The following HEPH variants were observed in gnomAD, a reference collection of about 807,000 sequenced individuals.
HEPH encodes hephaestin.
Under a neutral mutation model 80.8 loss-of-function variants are expected in HEPH, and 69 were observed. The observed-to-expected ratio is 0.85, with a 90% CI of 0.70 to 1.04. HEPH has a LOEUF of 1.04. Among genes scored for constraint, HEPH ranks in the 50% least tolerant of loss-of-function variants. The pLI, the probability that HEPH is intolerant of heterozygous loss-of-function variation, is 0.00. For synonymous variants in HEPH, 431 were observed against 322.8 expected, an observed-to-expected ratio of 1.34 and a Z score of -3.60; for missense variants, 1,115 against 891.3, an observed-to-expected ratio of 1.25 and a Z score of -3.20.
intron 18 of HEPH, among the ~76,000 whole-genome samples, chrX:66,259,428 G>T (rs1239779086): frequency 9.0e-6 from 1 of 111,704 alleles, no homozygotes; most frequent in Non-Finnish European, 1.9e-5. Context: ...AGAGTTGGGG[G>T]CATTGATACA....
In HEPH at chrX:66,188,652, C is replaced by T. The variant is rs147837491; in HGVS notation, c.808+111C>T. ...CATACATAGTCCTTTTTAGTCATCA[C>T]GAGGGCAAGGAGTAGTAGATGGCTC... is the stretch of plus-strand genomic sequence containing the variant. On this transcript the variant is annotated intron_variant, in intron 5 of 20. Coordinates refer to ENST00000343002, the MANE Select transcript of HEPH (RefSeq NM_001367233.3). 3.1e-4 allele frequency: 189 copies of T among 615,151 alleles called. 3 individuals carry two copies. The African/African-American group carries it at 3.5e-3, about 11-fold the overall frequency. The allele number at this position is 615,151 out of a possible 1,213,427, so 50.7% of individuals were successfully genotyped here.
chrX:66,268,279 T>A (rs1030279872), downstream of HEPH: 4 of 112,260 alleles, frequency 3.6e-5, no homozygotes, highest in African/African-American at 1.3e-4. Flanking sequence ...TAGGTAGCAA[T>A]CTCTTGAAGA....
chrX:66,208,783 A>G (rs2088955638), intron 15 of HEPH, among the ~76,000 whole-genome samples: 1 of 104,577 alleles, frequency 9.6e-6, no homozygotes, highest in Non-Finnish European at 2.0e-5. Context: ...TATGGCTTAG[A>G]CTTGGCTAAT....
chrX:66,213,980 G>T (rs1602369588), intron 15 of HEPH, among the ~76,000 whole-genome samples: 1 of 112,148 alleles, frequency 8.9e-6, no homozygotes, highest in East Asian at 2.8e-4. Flanking sequence ...TCTTACCAGT[G>T]GGCAGGATTA....
chrX:66,175,167 T>C (rs1409555767), intron 4 of HEPH, among the ~76,000 whole-genome samples: 1 of 112,345 alleles, frequency 8.9e-6, no homozygotes, highest in East Asian at 2.8e-4. Context: ...AGTCCTTAAT[T>C]CATCTTCATT....
intron 15 of HEPH, among the ~76,000 whole-genome samples, chrX:66,238,588 C>A (rs1309247534): frequency 9.0e-6 from 1 of 111,531 alleles, no homozygotes; most frequent in Non-Finnish European, 1.9e-5. Context: ...CATTGCCTGG[C>A]TTGTAGGGTT....
At position 66,267,261 on chromosome X, in the gene HEPH, G is replaced by A. The variant is rs772302186; in HGVS notation, c.*589G>A. On this transcript the variant is annotated 3_prime_UTR_variant, in exon 21 of 21. Coordinates refer to ENST00000343002, the MANE Select transcript of HEPH (RefSeq NM_001367233.3). ...GCCATGAGCATGTACAACCTCTGGA[G>A]CTAGAAGCTCCTCAGGAAAGCCAGT... 1 of 112,748 alleles carries A rather than the reference G, an allele frequency of 8.9e-6. No individual in the cohort carries two copies. Among genetic ancestry groups the A allele is most frequent in the Non-Finnish European group, 1.9e-5 (1 of 53,588 alleles). 9.3% of individuals were successfully genotyped at this position (112,748 alleles called of 1,213,427 possible).
intron 15 of HEPH, among the ~76,000 whole-genome samples, chrX:66,252,984 C>T (rs2148169749): frequency 8.9e-6 from 1 of 112,327 alleles, no homozygotes; most frequent in Admixed American, 9.4e-5. Flanking sequence ...AATATAAAAG[C>T]TAAAGCTATA....
chrX:66,220,015 A>G (rs373624690), intron 15 of HEPH, among the ~76,000 whole-genome samples: 3 of 111,743 alleles, frequency 2.7e-5, no homozygotes, highest in East Asian at 5.6e-4. Flanking sequence ...GAGTCTTCCC[A>G]CAGGAAAGGT....
At chrX:66,241,537 T>C (rs2090582666) in intron 15 of HEPH, among the ~76,000 whole-genome samples, 1 of 111,162 alleles carries the variant, frequency 9.0e-6, no homozygotes, top group South Asian at 3.8e-4. Flanking sequence ...TGATAAAGGG[T>C]TTAATTCAAC....
intron 15 of HEPH, among the ~76,000 whole-genome samples, chrX:66,211,728 A>C (rs2089135209): frequency 9.0e-6 from 1 of 111,512 alleles, no homozygotes; most frequent in African/African-American, 3.3e-5. Context: ...CATTTTCTTT[A>C]TCCATTCATC....
intron 4 of HEPH, among the ~76,000 whole-genome samples, chrX:66,186,188 C>T (rs2087418760): frequency 1.0e-5 from 1 of 97,169 alleles, no homozygotes; most frequent in East Asian, 3.2e-4. Flanking sequence ...GAGGTGGAGC[C>T]TACAGAGGCA....
chrX:66,260,353 CCTT>C lies in HEPH; in HGVS notation c.3199+94_3199+96del, dbSNP rs1292645494. On this transcript the variant is annotated intron_variant, in intron 19 of 20. Coordinates refer to ENST00000343002, the MANE Select transcript of HEPH (RefSeq NM_001367233.3). ...ATACCAAAAAGCCTCTTGATTGTCT[CCTT>C]CTGATCCCACAATAAGCAGGTCTTA... 4.3e-6 allele frequency: 3 copies of C among 699,199 alleles called. No homozygotes were observed. The African/African-American group carries it at 6.4e-5, about 15-fold the overall frequency. The allele number at this position is 699,199 out of a possible 1,213,427, so 57.6% of individuals were successfully genotyped here.
chrX:66,260,013 G>A (rs1602567552), intron 18 of HEPH, 87 bp from the exon 19 acceptor site: 1 of 792,041 alleles, frequency 1.3e-6, no homozygotes, highest in East Asian at 3.2e-5. Context: ...CCCTAATGTG[G>A]ACATCACAAT....
chrX:66,177,315 A>T (rs976857662), intron 4 of HEPH, among the ~76,000 whole-genome samples: 2 of 111,730 alleles, frequency 1.8e-5, no homozygotes, highest in African/African-American at 6.5e-5. Flanking sequence ...TTCTTCTTTG[A>T]ATGTCTGGTA....
intron 11 of HEPH, among the ~76,000 whole-genome samples, chrX:66,199,372 A>T (rs1005702989): frequency 1.0e-5 from 1 of 95,995 alleles, no homozygotes; most frequent in Non-Finnish European, 2.1e-5. Flanking sequence ...CCCCCCCCCC[A>T]TACTCCAGCC....
chrX:66,234,744 C>G (rs778412016), intron 15 of HEPH, among the ~76,000 whole-genome samples: 1 of 110,862 alleles, frequency 9.0e-6, no homozygotes, highest in Admixed American at 9.6e-5. Flanking sequence ...TCAAGCAATT[C>G]TCATGCCTCA....
chrX:66,236,090 TC>T (rs1202352628), intron 15 of HEPH, among the ~76,000 whole-genome samples: 1 of 111,640 alleles, frequency 9.0e-6, no homozygotes, highest in Non-Finnish European at 1.9e-5. Flanking sequence ...CTATTCATAT[TC>T]CCTTTTTTTA....
intron 15 of HEPH, among the ~76,000 whole-genome samples, chrX:66,234,613 G>T (rs1391016095): frequency 9.2e-6 from 1 of 108,181 alleles, no homozygotes; most frequent in African/African-American, 3.4e-5. Flanking sequence ...ATAACTGTAT[G>T]GGTATGAGAT....
Sources: gnomAD v4.1 joint callset for allele counts (sites outside exome capture counted in the v4.1 genomes callset) on GRCh38, gnomAD v4.1.1 for gene constraint, MANE v1.5 for transcripts, NCBI Gene and HGNC (gene_info 2026-07-23, HGNC 2026-07-21) for gene names.